Variants in GALNT1 observed in about 807,000 individuals in gnomAD.
GALNT1 encodes the protein GalNAc transferase 1.
GALNT1 carries 17 observed loss-of-function variants against 65.7 expected under a neutral mutation model. The observed-to-expected ratio is 0.26, with a 90% CI of 0.18 to 0.39. The LOEUF is 0.39. Among genes scored for constraint, GALNT1 ranks in the 10% least tolerant of loss-of-function variants. The probability of loss-of-function intolerance (pLI) is 1.00; values close to 1 mark genes in which losing one functional copy is unlikely to be tolerated. For synonymous variants in GALNT1, 210 were observed against 219.7 expected (o/e 0.96, Z 0.39); for missense variants, 460 against 672.8 (o/e 0.68, Z 3.50).
chr18:35,661,923 A>C (rs184219887), intron 2 of GALNT1, among the ~76,000 whole-genome samples: 1 of 152,270 alleles, frequency 6.6e-6, no homozygotes, highest in Admixed American at 6.5e-5. Flanking sequence ...GGATATTTAT[A>C]ATCAGGGCCA....
chr18:35,678,349 C>T (rs112881086), intron 4 of GALNT1, among the ~76,000 whole-genome samples: 2 of 151,888 alleles, frequency 1.3e-5, no homozygotes, highest in African/African-American at 2.4e-5. Context: ...CTCTTGCCCA[C>T]GTCCTTCTAG....
intron 1 of GALNT1, among the ~76,000 whole-genome samples, chr18:35,608,874 A>G (rs1390435788): frequency 6.6e-6 from 1 of 152,226 alleles, no homozygotes; most frequent in Non-Finnish European, 1.5e-5. Context: ...ACTAAGCACT[A>G]GCCATCATAG....
intron 1 of GALNT1, among the ~76,000 whole-genome samples, chr18:35,623,522 G>A (rs1378015760): frequency 6.6e-6 from 1 of 151,660 alleles, no homozygotes; most frequent in Non-Finnish European, 1.5e-5. Context: ...TGTTTCCTCT[G>A]TTCTCTCCTT....
At chr18:35,630,996 T>A (rs1027841014) in intron 1 of GALNT1, among the ~76,000 whole-genome samples, 1 of 152,132 alleles carries the variant, frequency 6.6e-6, no homozygotes, top group Non-Finnish European at 1.5e-5. Context: ...CTCCCAAGAC[T>A]AAACCAGGAA....
intron 1 of GALNT1, among the ~76,000 whole-genome samples, chr18:35,614,861 TA>T (rs916670767): frequency 1.3e-5 from 2 of 151,318 alleles, no homozygotes; most frequent in Admixed American, 1.3e-4. Context: ...TTCTCAATAG[TA>T]AAAAAAATAA....
intron 3 of GALNT1, among the ~76,000 whole-genome samples, chr18:35,666,314 G>A (rs540916403): frequency 3.5e-4 from 54 of 152,284 alleles, no homozygotes; most frequent in Non-Finnish European, 7.6e-4. Flanking sequence ...AAACCAAGGA[G>A]ATGAAGAGTA....
chr18:35,607,807 C>T (rs2046670371), intron 1 of GALNT1, among the ~76,000 whole-genome samples: 1 of 152,128 alleles, frequency 6.6e-6, no homozygotes, highest in South Asian at 2.1e-4. Context: ...GGCTTCCTGT[C>T]ATATATCAAC....
chr18:35,631,328 T>G (rs979799244), intron 1 of GALNT1, among the ~76,000 whole-genome samples: 1 of 152,042 alleles, frequency 6.6e-6, no homozygotes. Flanking sequence ...GCAAACCGAA[T>G]CCAGCAGCAC....
chr18:35,586,876 T>G (rs985301166), intron 1 of GALNT1, among the ~76,000 whole-genome samples: 8 of 152,220 alleles, frequency 5.3e-5, no homozygotes, highest in Non-Finnish European at 1.5e-5. Flanking sequence ...AAGGTCTTTC[T>G]GGGCTTTTGA....
chr18:35,699,503 GA>G (rs1160596640), intron 9 of GALNT1, among the ~76,000 whole-genome samples: 1 of 152,162 alleles, frequency 6.6e-6, no homozygotes, highest in Non-Finnish European at 1.5e-5. Flanking sequence ...TGAACTAAAG[GA>G]ATTGGTAGTG....
At chr18:35,673,765 TTAGTAA>T (rs2047667404) in intron 3 of GALNT1, among the ~76,000 whole-genome samples, 1 of 152,180 alleles carries the variant, frequency 6.6e-6, no homozygotes, top group South Asian at 2.1e-4. Context: ...TTGAAAAATA[TTAGTAA>T]TAGTAAATAC....
At chr18:35,683,652 T>A in intron 5 of GALNT1, 54 bp downstream of exon 5, 1 of 1,348,158 alleles carries the variant, frequency 7.4e-7, no homozygotes, top group Non-Finnish European at 1.0e-6. Flanking sequence ...CTAAACTATA[T>A]GGTGAGTTGC....
At chr18:35,685,550 T>A (rs1355461387) in intron 5 of GALNT1, among the ~76,000 whole-genome samples, 1 of 151,918 alleles carries the variant, frequency 6.6e-6, no homozygotes, top group African/African-American at 2.4e-5. Flanking sequence ...AAGCATTTTT[T>A]AAAAAGATGT....
intron 1 of GALNT1, among the ~76,000 whole-genome samples, chr18:35,648,431 C>T (rs1341179723): frequency 1.3e-5 from 2 of 152,180 alleles, no homozygotes; most frequent in Non-Finnish European, 2.9e-5. Context: ...CGACTTTCGA[C>T]TTAAGATGTT....
intron 1 of GALNT1, among the ~76,000 whole-genome samples, chr18:35,586,327 TTTATATA>T (rs2046377572): frequency 6.6e-6 from 1 of 152,224 alleles, no homozygotes; most frequent in Non-Finnish European, 1.5e-5. Context: ...TTGTTTATTC[TTTATATA>T]TTCTAAATAC....
At chr18:35,582,225 G>C (rs2046331206) in intron 1 of GALNT1, among the ~76,000 whole-genome samples, 1 of 152,176 alleles carries the variant, frequency 6.6e-6, no homozygotes, top group African/African-American at 2.4e-5. Flanking sequence ...GACCCTCGCG[G>C]CGCCACGGGG....
chr18:35,652,885 A>G (rs191286292), intron 1 of GALNT1, among the ~76,000 whole-genome samples: 2 of 152,340 alleles, frequency 1.3e-5, no homozygotes, highest in Admixed American at 1.3e-4. Context: ...TTTTTTTCAA[A>G]TAGGATTTTA....
chr18:35,632,145 A>G (rs1028603097), intron 1 of GALNT1, among the ~76,000 whole-genome samples: 3 of 152,236 alleles, frequency 2.0e-5, no homozygotes, highest in South Asian at 2.1e-4. Flanking sequence ...TAGAGATTCA[A>G]TGCCATCCCC....
chr18:35,705,583 G>T (rs1468829253), intron 11 of GALNT1, among the ~76,000 whole-genome samples: 1 of 152,216 alleles, frequency 6.6e-6, no homozygotes, highest in Non-Finnish European at 1.5e-5. Context: ...ACTGCCCCAT[G>T]CATTGCAGGG....
Sources: allele counts gnomAD v4.1 joint callset (sites outside exome capture counted in the v4.1 genomes callset), GRCh38; gene constraint gnomAD v4.1.1; transcripts MANE v1.5; gene names NCBI Gene and HGNC (gene_info 2026-07-23, HGNC 2026-07-21).